Variants in CTNNA2 observed in about 807,000 individuals in gnomAD.
The protein encoded by CTNNA2 is catenin alpha 2.
Under a neutral mutation model 101.0 loss-of-function variants are expected in CTNNA2, and 42 were observed. That is an observed-to-expected ratio of 0.42 (90% CI 0.32 to 0.54). The LOEUF is 0.54. Ranked by LOEUF, CTNNA2 falls within the 20% of genes least tolerant of loss-of-function variation. The pLI is 0.14. For synonymous variants in CTNNA2, 450 were observed against 456.4 expected (o/e 0.99, Z 0.18); for missense variants, 871 against 1,223.1 (o/e 0.71, Z 4.29).
chr2:80,162,775 C>T (rs1704410512), intron 7 of CTNNA2: 3 of 1,591,170 alleles, frequency 1.9e-6, no homozygotes, highest in Non-Finnish European at 2.6e-6. Flanking sequence ...GCAAATTTTC[C>T]ACCATATGAC....
At chr2:80,542,981 A>G (rs1691711879) in intron 9 of CTNNA2, among the ~76,000 whole-genome samples, 1 of 152,200 alleles carries the variant, frequency 6.6e-6, no homozygotes, top group Non-Finnish European at 1.5e-5. Flanking sequence ...ATTGGTTAAC[A>G]TCTGCTAGAA....
intron 7 of CTNNA2, among the ~76,000 whole-genome samples, chr2:80,054,064 G>T (rs184450283): frequency 1.3e-5 from 2 of 152,316 alleles, no homozygotes; most frequent in Middle Eastern, 3.4e-3. Context: ...TGCCCCCCTT[G>T]TGGCTGCAAA....
chr2:80,111,231 A>G (rs1352068753), intron 7 of CTNNA2, among the ~76,000 whole-genome samples: 3 of 152,208 alleles, frequency 2.0e-5, no homozygotes, highest in Non-Finnish European at 4.4e-5. Context: ...CAGCCAAAAC[A>G]TATCAAGGAT....
intron 7 of CTNNA2, among the ~76,000 whole-genome samples, chr2:80,068,835 C>A (rs1223647474): frequency 2.6e-5 from 4 of 152,148 alleles, no homozygotes; most frequent in African/African-American, 9.7e-5. Flanking sequence ...TGTTCTTATA[C>A]CCCTGACTAG....
chr2:79,409,307 C>G (rs34687327), intron 4 of CTNNA2, among the ~76,000 whole-genome samples: 43,027 of 151,134 alleles, frequency 0.28, 6,207 homozygotes, highest in South Asian at 0.44. Flanking sequence ...AGTTTAATTA[C>G]ATCCCATTTG....
chr2:79,707,093 G>A (rs145012412), intron 2 of CTNNA2, among the ~76,000 whole-genome samples: 3 of 152,238 alleles, frequency 2.0e-5, no homozygotes, highest in Admixed American at 2.0e-4. Flanking sequence ...TCATGGAAAG[G>A]ACCCCTCTGG....
intron 2 of CTNNA2, among the ~76,000 whole-genome samples, chr2:79,240,538 G>T (rs1674613710): frequency 6.6e-6 from 1 of 152,108 alleles, no homozygotes; most frequent in Non-Finnish European, 1.5e-5. Context: ...TTGCTGTAAA[G>T]GACATGATCT....
intron 7 of CTNNA2, among the ~76,000 whole-genome samples, chr2:80,194,721 A>G (rs992316530): frequency 1.3e-5 from 2 of 150,146 alleles, no homozygotes; most frequent in African/African-American, 4.9e-5. Flanking sequence ...GTGTGTCACT[A>G]TACATACTTA....
At chr2:79,972,015 T>G (rs1317600918) in intron 7 of CTNNA2, among the ~76,000 whole-genome samples, 30 of 152,192 alleles carry the variant, frequency 2.0e-4, no homozygotes, top group Admixed American at 2.0e-3. Flanking sequence ...CCAAGGCTTC[T>G]TATGGCTTGG....
chr2:80,337,994 C>CTTT (rs59516673), intron 7 of CTNNA2, among the ~76,000 whole-genome samples: 1 of 145,268 alleles, frequency 6.9e-6, no homozygotes, highest in Non-Finnish European at 1.5e-5. Flanking sequence ...GTTTACTTTT[C>CTTT]TTTTTTTTTT....
chr2:80,058,908 A>G (rs76223991), intron 7 of CTNNA2, among the ~76,000 whole-genome samples: 36 of 152,242 alleles, frequency 2.4e-4, no homozygotes, highest in African/African-American at 8.4e-4. Flanking sequence ...GTGTCAGCCA[A>G]GTTTTCTGAT....
intron 3 of CTNNA2, among the ~76,000 whole-genome samples, chr2:79,790,209 G>A (rs924254731): frequency 6.6e-6 from 1 of 152,114 alleles, no homozygotes; most frequent in Non-Finnish European, 1.5e-5. Context: ...TGAAACGCTG[G>A]GGAAGAGGAA....
chr2:80,148,974 T>C (rs1703521105), intron 7 of CTNNA2, among the ~76,000 whole-genome samples: 2 of 151,218 alleles, frequency 1.3e-5, no homozygotes, highest in Admixed American at 1.3e-4. Flanking sequence ...ATTTACCAAA[T>C]TAAAAAAACA....
At chr2:80,632,056 A>C in intron 18 of CTNNA2, among the ~76,000 whole-genome samples, 1 of 152,142 alleles carries the variant, frequency 6.6e-6, no homozygotes, top group Non-Finnish European at 1.5e-5. Context: ...CTGACTGATA[A>C]ATAATTGATG....
intron 1 of CTNNA2, among the ~76,000 whole-genome samples, chr2:79,611,081 C>T (rs1678241828): frequency 1.3e-5 from 2 of 151,918 alleles, no homozygotes; most frequent in African/African-American, 4.8e-5. Context: ...AGTATGTATA[C>T]CTAATGAATA....
chr2:80,002,816 G>A (rs1693047109), intron 7 of CTNNA2, among the ~76,000 whole-genome samples: 1 of 152,100 alleles, frequency 6.6e-6, no homozygotes, highest in Non-Finnish European at 1.5e-5. Context: ...CTGCCTACAG[G>A]ATAATGTCAG....
At chr2:80,572,092 C>A (rs138636055) in intron 12 of CTNNA2, among the ~76,000 whole-genome samples, 1 of 152,024 alleles carries the variant, frequency 6.6e-6, no homozygotes, top group Non-Finnish European at 1.5e-5. Context: ...AAGCACTTGC[C>A]GAAATGATGT....
chr2:79,979,505 G>A (rs1302133021), intron 7 of CTNNA2, among the ~76,000 whole-genome samples: 1 of 152,112 alleles, frequency 6.6e-6, no homozygotes, highest in Non-Finnish European at 1.5e-5. Context: ...ACATATTGGG[G>A]AAAATTAGCT....
intron 8 of CTNNA2, among the ~76,000 whole-genome samples, chr2:80,408,220 C>G (rs1172235397): frequency 1.3e-5 from 2 of 152,130 alleles, no homozygotes; most frequent in Non-Finnish European, 2.9e-5. Flanking sequence ...TTCTAAGACC[C>G]ACAGGACTTG....
Sources: gnomAD v4.1 joint callset for allele counts (sites outside exome capture counted in the v4.1 genomes callset) on GRCh38, gnomAD v4.1.1 for gene constraint, MANE v1.5 for transcripts, NCBI Gene and HGNC (gene_info 2026-07-23, HGNC 2026-07-21) for gene names.